ELK3: variants seen among roughly 807,000 people sequenced by gnomAD.
ELK3 encodes the protein ETS domain-containing protein Elk-3.
Under a neutral mutation model 28.9 loss-of-function variants are expected in ELK3, and 10 were observed. The observed-to-expected ratio is 0.35, with a 90% CI of 0.21 to 0.59. The LOEUF (loss-of-function observed/expected upper bound fraction) is 0.59, where lower values mean the gene tolerates loss of function less well. ELK3 is among the 20% of genes least tolerant of loss of function. The pLI is 0.82. For missense variants in ELK3, 463 were observed against 517.3 expected (o/e 0.90, Z 1.02); for synonymous variants, 272 against 243.5 (o/e 1.12, Z -1.09).
chr12:96,246,957 G>C lies in ELK3; in HGVS notation c.225G>C (p.Val75=). The change falls in exon 3 of 5, where the codon GTG becomes GTC. Residue 75 remains valine (V), a synonymous_variant. Transcript: ENST00000228741. ...ATTTGCAGAACATCATCAAGAAGGTGATCGGGCAGAAGTTTGTGTACAAGT... is the reference window on the plus strand; with the variant it reads ...ATTTGCAGAACATCATCAAGAAGGTCATCGGGCAGAAGTTTGTGTACAAGT... ...YYYDKNIIKK[V]IGQKFVYKFV... 1 of 1,597,948 alleles carries C rather than the reference G, an allele frequency of 6.3e-7. No homozygotes were observed. Among genetic ancestry groups the C allele is most frequent in the South Asian group, 1.1e-5 (1 of 89,118 alleles).
intron 1 of ELK3, among the ~76,000 whole-genome samples, chr12:96,199,697 C>T (rs888453639): frequency 1.3e-5 from 2 of 152,110 alleles, no homozygotes; most frequent in Non-Finnish European, 2.9e-5. Flanking sequence ...TTGAACTAGT[C>T]ATTTCAATAA....
chr12:96,206,473 T>C (rs1213062080), intron 1 of ELK3, among the ~76,000 whole-genome samples: 1 of 152,122 alleles, frequency 6.6e-6, no homozygotes, highest in African/African-American at 2.4e-5. Flanking sequence ...TGCGCCACCA[T>C]GCCCAGCTAA....
chr12:96,210,900 A>G (rs758406625), intron 1 of ELK3, among the ~76,000 whole-genome samples: 19 of 152,218 alleles, frequency 1.2e-4, no homozygotes, highest in South Asian at 4.1e-4. Flanking sequence ...ACGCATTACA[A>G]TGAGACGTTT....
chr12:96,267,058 G>A, intron 4 of ELK3, 24 bp from the exon 5 acceptor site: 1 of 1,595,726 alleles, frequency 6.3e-7, no homozygotes, highest in Non-Finnish European at 8.5e-7. Context: ...AATAATTATT[G>A]TAAAAATCTT....
chr12:96,252,297 T>A (rs540204787), intron 3 of ELK3, among the ~76,000 whole-genome samples: 6 of 152,192 alleles, frequency 3.9e-5, no homozygotes, highest in Non-Finnish European at 7.3e-5. Flanking sequence ...ACAAGAAGAT[T>A]AATATTTTTC....
intron 2 of ELK3, among the ~76,000 whole-genome samples, chr12:96,234,995 G>A (rs745990298): frequency 4.6e-4 from 70 of 152,178 alleles, no homozygotes; most frequent in Admixed American, 1.1e-3. Flanking sequence ...TGGAAAAACT[G>A]CTGGCAAGAT....
At chr12:96,226,362 C>T (rs1333095299) in intron 2 of ELK3, among the ~76,000 whole-genome samples, 1 of 152,222 alleles carries the variant, frequency 6.6e-6, no homozygotes, top group African/African-American at 2.4e-5. Flanking sequence ...AGCCTCCTAT[C>T]CTGTTGTATC....
At chr12:96,266,841 A>T (rs1952035865) in intron 4 of ELK3, among the ~76,000 whole-genome samples, 1 of 152,204 alleles carries the variant, frequency 6.6e-6, no homozygotes. Flanking sequence ...ATTTTTTCCT[A>T]GTAGCCTATG....
At chr12:96,204,843 A>G (rs956260685) in intron 1 of ELK3, among the ~76,000 whole-genome samples, 6 of 152,250 alleles carry the variant, frequency 3.9e-5, no homozygotes, top group African/African-American at 9.6e-5. Flanking sequence ...CGCTCATTGA[A>G]CTGGAAATGT....
intron 2 of ELK3, among the ~76,000 whole-genome samples, chr12:96,238,008 G>A (rs556028790): frequency 6.6e-6 from 1 of 152,318 alleles, no homozygotes; most frequent in African/African-American, 2.4e-5. Flanking sequence ...ACTTGTGGGT[G>A]TTGTGAACTC....
At chr12:96,227,032 G>A (rs1304307424) in intron 2 of ELK3, among the ~76,000 whole-genome samples, 3 of 152,206 alleles carry the variant, frequency 2.0e-5, no homozygotes, top group African/African-American at 4.8e-5. Context: ...TTGCCCGTCT[G>A]TGACCGTTTT....
At chr12:96,207,733 T>A (rs953142529) in intron 1 of ELK3, among the ~76,000 whole-genome samples, 10 of 152,112 alleles carry the variant, frequency 6.6e-5, no homozygotes, top group Non-Finnish European at 1.5e-4. Flanking sequence ...CTGTATAGAG[T>A]GGGACCCAAA....
intron 1 of ELK3, among the ~76,000 whole-genome samples, chr12:96,210,182 TAAAGC>T (rs1951566383): frequency 6.6e-6 from 1 of 152,180 alleles, no homozygotes; most frequent in Non-Finnish European, 1.5e-5. Context: ...CTCATTAATT[TAAAGC>T]TCAAACTGAA....
intron 2 of ELK3, among the ~76,000 whole-genome samples, chr12:96,224,161 G>A (rs906155348): frequency 2.0e-5 from 3 of 152,220 alleles, no homozygotes; most frequent in African/African-American, 7.2e-5. Context: ...GACCTTTCCT[G>A]GAAGGTGGTA....
chr12:96,243,563 A>G (rs1018425269), intron 2 of ELK3, among the ~76,000 whole-genome samples: 3 of 151,890 alleles, frequency 2.0e-5, no homozygotes, highest in Non-Finnish European at 4.4e-5. Context: ...TCTCTATAAA[A>G]ATTAGGCAGG....
Position 96,261,177 on chromosome 12 carries a change from T to C in ELK3, c.1125+1324T>C, listed in dbSNP as rs377385861. On this transcript the variant is annotated intron_variant, in intron 4 of 4. Coordinates refer to ENST00000228741, the MANE Select transcript of ELK3 (RefSeq NM_005230.4). The stretch of plus-strand genomic sequence containing the variant: ...CATGCTGGGATTCAGGGTCTCTTTG[T>C]AAGGGTGGAGCTAAAGAGGTTTTGA... Among the ~76,000 whole-genome samples, 14 of 152,324 alleles carry C rather than the reference T, an allele frequency of 9.2e-5. No individual in the cohort carries two copies. The East Asian group carries it at 2.5e-3, about 27-fold the overall frequency.
At chr12:96,245,728 G>A (rs530655120) in intron 2 of ELK3, among the ~76,000 whole-genome samples, 1 of 152,292 alleles carries the variant, frequency 6.6e-6, no homozygotes, top group Non-Finnish European at 1.5e-5. Flanking sequence ...CAAGGCACAC[G>A]CAAGCATTTG....
rs1162300247 is a variant in ELK3 at position 96,247,830 on chromosome 12, CGTT to C, written c.1002+99_1002+101del. On this transcript the variant is annotated intron_variant, in intron 3 of 4. Transcript: ENST00000228741. This position sits in a 1 kb window ranked among gnomAD's most constrained non-coding sequence, Gnocchi z 5.5. ...AGAGACTTCCTTCTGTCCCTCAAAA[CGTT>C]GTCCTATGACTCGTACCGAGGTCAC... The C allele has an allele frequency of 3.6e-6, 5 of 1,371,984 alleles. No homozygotes were observed. The highest frequency in any genetic ancestry group is 2.5e-5 in the East Asian group (1 of 39,890). The allele number at this position is 1,371,984 out of a possible 1,614,324, so 85.0% of individuals were successfully genotyped here.
intron 2 of ELK3, 100 bp from the exon 3 acceptor site, chr12:96,246,840 C>A: frequency 1.6e-6 from 2 of 1,250,088 alleles, no homozygotes; most frequent in Non-Finnish European, 2.2e-6. Flanking sequence ...AAATCAGGAA[C>A]ATTTTGGTGC....
Sources: allele counts gnomAD v4.1 joint callset (sites outside exome capture counted in the v4.1 genomes callset), GRCh38; gene constraint gnomAD v4.1.1; non-coding constraint Gnocchi (gnomAD v3.1); transcripts MANE v1.5; gene names NCBI Gene and HGNC (gene_info 2026-07-23, HGNC 2026-07-21).